OR51E1: variants seen among roughly 807,000 people sequenced by gnomAD.
OR51E1 encodes the protein olfactory receptor family 51 subfamily E member 1.
In OR51E1, 9 loss-of-function variants were observed where a neutral mutation model predicts 11.5. That is an observed-to-expected ratio of 0.78 (90% CI 0.47 to 1.37). The LOEUF (loss-of-function observed/expected upper bound fraction) is 1.37. Ranked by LOEUF, OR51E1 falls within the 40% of genes most tolerant of loss-of-function variation. OR51E1 has a pLI of 0.00. For missense variants in OR51E1, 397 were observed against 410.2 expected, an observed-to-expected ratio of 0.97 and a Z score of 0.28; for synonymous variants, 168 against 158.3, an observed-to-expected ratio of 1.06 and a Z score of -0.46.
intron 1 of OR51E1, among the ~76,000 whole-genome samples, chr11:4,648,037 C>T (rs1184805732): frequency 3.3e-5 from 5 of 151,592 alleles, no homozygotes; most frequent in South Asian, 2.1e-4. Context: ...AACATTGGGA[C>T]GCTTCAGGGC....
chr11:4,652,438 A>G (rs1177419916), intron 1 of OR51E1, 50 bp from the exon 2 acceptor site: 4 of 777,846 alleles, frequency 5.1e-6, no homozygotes, highest in Non-Finnish European at 8.7e-6. Context: ...GTCAGGTGTT[A>G]GGTATTGGGA....
chr11:4,650,704 C>T (rs1225371909), intron 1 of OR51E1, among the ~76,000 whole-genome samples: 1 of 152,196 alleles, frequency 6.6e-6, no homozygotes, highest in Non-Finnish European at 1.5e-5. Flanking sequence ...AGTGCAGAAA[C>T]CCCTATCCCA....
At chr11:4,645,665 G>C (rs765420933) in intron 1 of OR51E1, among the ~76,000 whole-genome samples, 124 of 152,282 alleles carry the variant, frequency 8.1e-4, no homozygotes, top group Middle Eastern at 6.8e-3. Context: ...TAGCTCTACA[G>C]GGAACTGGTA....
intron 1 of OR51E1, 138 bp from the exon 2 acceptor site, chr11:4,652,350 T>C (rs1847108434): frequency 3.4e-6 from 2 of 594,404 alleles, no homozygotes; most frequent in South Asian, 2.1e-5. Flanking sequence ...TTATGTGAGA[T>C]TGCATTTAGA....
At chr11:4,650,869 C>T (rs1418253501) in intron 1 of OR51E1, among the ~76,000 whole-genome samples, 1 of 152,020 alleles carries the variant, frequency 6.6e-6, no homozygotes, top group Non-Finnish European at 1.5e-5. Context: ...AAAGAGAATG[C>T]TCACTGCAGC....
At chr11:4,650,275 A>T (rs1446108311) in intron 1 of OR51E1, among the ~76,000 whole-genome samples, 1 of 152,150 alleles carries the variant, frequency 6.6e-6, no homozygotes, top group Non-Finnish European at 1.5e-5. Context: ...TTTGGAGAGG[A>T]GAGTGAAGAT....
chr11:4,655,479 T>C lies in OR51E1; in HGVS notation c.*1996T>C, dbSNP rs1282682911. ...AAAAATAAAGTACTATTGTGTCAAG[T>C]CTCTGAAAATGATTTTGTTGTTCTT... On this transcript the variant is annotated 3_prime_UTR_variant, in exon 2 of 2. Coordinates refer to ENST00000396952, the MANE Select transcript of OR51E1 (RefSeq NM_152430.4). The C allele has an allele frequency of 6.2e-6, 1 of 161,772 alleles. No homozygotes were observed. The highest frequency in any genetic ancestry group is 1.5e-5 in the Non-Finnish European group (1 of 68,078). 10.0% of individuals were successfully genotyped at this position (161,772 alleles called of 1,614,324 possible). A position where few individuals can be genotyped will look rare whatever the true frequency, so the allele number is the denominator to read the frequency against.
At position 4,652,902 on chromosome 11, in the gene OR51E1, T is replaced by C. The variant is rs766516758; in HGVS notation, c.376T>C (p.Tyr126His). The C allele has an allele frequency of 1.2e-6, 2 of 1,612,366 alleles. No homozygotes were observed. Among genetic ancestry groups the C allele is most frequent in the South Asian group, 2.2e-5 (2 of 90,750 alleles). Reference protein sequence around the residue: ...TVLLAMAFDRYVAICHPLRHA... With the variant: ...TVLLAMAFDRHVAICHPLRHA... ...GCTGCTGGCCATGGCTTTTGACCGC[T>C]ATGTGGCCATCTGTCACCCACTGCG... Residue 126 changes from tyrosine to histidine, a missense_variant, in exon 2 of 2, where the codon TAT becomes CAT. Tyr to His is a moderately conservative substitution (Grantham distance 83, BLOSUM62 2). Transcript: ENST00000396952.
intron 1 of OR51E1, among the ~76,000 whole-genome samples, chr11:4,650,223 C>T (rs1413462669): frequency 2.0e-5 from 3 of 151,990 alleles, no homozygotes; most frequent in African/African-American, 4.8e-5. Context: ...TGAGATGGCC[C>T]AGGAAGAGAA....
At chr11:4,648,713 A>G (rs1215015014) in intron 1 of OR51E1, among the ~76,000 whole-genome samples, 2 of 152,200 alleles carry the variant, frequency 1.3e-5, no homozygotes, top group African/African-American at 4.8e-5. Flanking sequence ...TAGCATGGAT[A>G]TCTGACCCTC....
intron 1 of OR51E1, among the ~76,000 whole-genome samples, chr11:4,650,954 C>A (rs145459520): frequency 6.8e-6 from 1 of 146,848 alleles, no homozygotes; most frequent in Non-Finnish European, 1.5e-5. Context: ...AAAAAAAAAT[C>A]CCAAATCGGA....
intron 1 of OR51E1, among the ~76,000 whole-genome samples, chr11:4,645,652 G>A (rs1371601890): frequency 1.3e-5 from 2 of 152,190 alleles, no homozygotes; most frequent in African/African-American, 4.8e-5. Context: ...CTTGCAGCCA[G>A]AATAGCTCTA....
chr11:4,645,196 T>A (rs1505195), intron 1 of OR51E1, among the ~76,000 whole-genome samples: 63,969 of 152,072 alleles, frequency 0.42, 15,104 homozygotes, highest in Middle Eastern at 0.54. Context: ...TTATATGAGC[T>A]CCATAAAAGC....
intron 1 of OR51E1, among the ~76,000 whole-genome samples, chr11:4,645,003 C>G (rs973821651): frequency 6.6e-6 from 1 of 152,114 alleles, no homozygotes; most frequent in African/African-American, 2.4e-5. Flanking sequence ...ATGCACTTTC[C>G]CTGGATCTTA....
rs140991845 is a variant in OR51E1 at position 4,653,396 on chromosome 11, C to T, written c.870C>T (p.Asn290=). ...ATCTGCTGGTTCCTCCTGTGCTCAA[C>T]CCAATTGTCTATGGAGTGAAGACAA... ...NIYLLVPPVL[N]PIVYGVKTKE... The change falls in exon 2 of 2, where the codon AAC becomes AAT. Residue 290 remains asparagine (N), a synonymous_variant. Transcript: ENST00000396952. 1.7e-5 allele frequency: 27 copies of T among 1,614,036 alleles called. No individual in the cohort carries two copies. Among genetic ancestry groups the T allele is most frequent in the Non-Finnish European group, 2.1e-5 (25 of 1,179,968 alleles).
chr11:4,650,511 C>T (rs1035653809), intron 1 of OR51E1, among the ~76,000 whole-genome samples: 5 of 152,176 alleles, frequency 3.3e-5, no homozygotes, highest in African/African-American at 1.2e-4. Context: ...ATTAAACTCT[C>T]TCACCCTCTG....
rs1342523349 is a variant in OR51E1 at position 4,654,081 on chromosome 11, G to A, written c.*598G>A. 1 of 166,680 alleles carries A rather than the reference G, an allele frequency of 6.0e-6. No homozygotes were observed. Among genetic ancestry groups the A allele is most frequent in the Non-Finnish European group, 1.5e-5 (1 of 68,122 alleles). The allele number at this position is 166,680 out of a possible 1,614,324, so 10.3% of individuals were successfully genotyped here. ...GTTCTGAGAGTTTTCACAGCATATG[G>A]ACCCTGTTTTTCCTATTTAATTTTC... On this transcript the variant is annotated 3_prime_UTR_variant, in exon 2 of 2. Transcript: ENST00000396952.
Position 4,653,218 on chromosome 11 carries a change from T to C in OR51E1, c.692T>C (p.Leu231Ser). The C allele has an allele frequency of 1.9e-6, 3 of 1,614,124 alleles. No individual in the cohort carries two copies. The highest frequency in any genetic ancestry group is 2.5e-6 in the Non-Finnish European group (3 of 1,179,956). The change falls in exon 2 of 2, where the codon TTG becomes TCG. Residue 231 changes from leucine (L) to serine (S), a missense_variant. Coordinates refer to ENST00000396952, the MANE Select transcript of OR51E1 (RefSeq NM_152430.4). ...YLLILKTVLG[L>S]TREAQAKAFG... ...CTTATTCTTAAGACTGTGTTGGGCT[T>C]GACACGTGAAGCCCAGGCCAAGGCA...
Position 4,652,531 on chromosome 11 carries a change from T to G in OR51E1, c.5T>G (p.Met2Arg). 1.2e-6 allele frequency: 2 copies of G among 1,608,246 alleles called. No homozygotes were observed. Among genetic ancestry groups the G allele is most frequent in the Middle Eastern group, 1.7e-4 (1 of 5,844 alleles). M[M>R]VDPNGNESSA... ...TGGTCACAGTTCAGCTTCTTCATGA[T>G]GGTGGATCCCAATGGCAATGAATCC... The change falls in exon 2 of 2, where the codon ATG becomes AGG. Residue 2 changes from methionine (M) to arginine (R), a missense_variant. Met to Arg is a moderately conservative substitution (Grantham distance 91). Coordinates refer to ENST00000396952, the MANE Select transcript of OR51E1 (RefSeq NM_152430.4).
Sources: allele counts gnomAD v4.1 joint callset (sites outside exome capture counted in the v4.1 genomes callset), GRCh38; gene constraint gnomAD v4.1.1; transcripts MANE v1.5; gene names NCBI Gene and HGNC (gene_info 2026-07-23, HGNC 2026-07-21).